Variants in TMTC3 observed in about 807,000 individuals in gnomAD.
The protein encoded by TMTC3 is protein O-mannosyl-transferase TMTC3.
Under a neutral mutation model 92.2 loss-of-function variants are expected in TMTC3, and 52 were observed. The ratio of observed to expected loss-of-function variants is 0.56; its 90% confidence interval spans 0.45 to 0.71. The LOEUF (loss-of-function observed/expected upper bound fraction) is 0.71. TMTC3 is among the 30% of genes least tolerant of loss of function. TMTC3 has a pLI of 0.00. For synonymous variants in TMTC3, 339 were observed against 363.3 expected (o/e 0.93, Z 0.76); for missense variants, 896 against 1,057.1 (o/e 0.85, Z 2.11).
chr12:88,189,566 A>T (rs1041455040), intron 11 of TMTC3, among the ~76,000 whole-genome samples: 6 of 152,162 alleles, frequency 3.9e-5, no homozygotes, highest in Admixed American at 3.9e-4. Flanking sequence ...CCTATCAAAA[A>T]ATAAAGTGAT....
At chr12:88,152,021 T>G (rs1240599990) in intron 2 of TMTC3, among the ~76,000 whole-genome samples, 17 of 152,236 alleles carry the variant, frequency 1.1e-4, no homozygotes, top group Admixed American at 9.2e-4. Context: ...ATGAACAGGC[T>G]TAAGTCTACT....
rs140767961 is a variant in TMTC3, at chr12:88,143,238, A to C, written c.-29+751A>C. On this transcript the variant is annotated intron_variant, in intron 1 of 13. Transcript: ENST00000266712. ...ATTTTCCTTTCGAAAATAAGTAATG[A>C]GTTTCTTTTTAAACCCCCAATTTGG... Among the ~76,000 whole-genome samples the C allele has an allele frequency of 6.7e-3, 1,013 of 152,038 alleles. 63 individuals are homozygous for C. The highest frequency in any genetic ancestry group is 0.062 in the Admixed American group (952 of 15,274).
chr12:88,183,336 C>T (rs2041339446), intron 10 of TMTC3, among the ~76,000 whole-genome samples: 1 of 152,128 alleles, frequency 6.6e-6, no homozygotes, highest in African/African-American at 2.4e-5. Flanking sequence ...TTCCTTATCT[C>T]TTTATAAGTG....
chr12:88,148,745 T>A (rs925395164), intron 2 of TMTC3, among the ~76,000 whole-genome samples: 5 of 152,086 alleles, frequency 3.3e-5, no homozygotes, highest in Non-Finnish European at 7.4e-5. Context: ...TTTTTTTTTT[T>A]TAACTTTTAT....
At chr12:88,147,030 A>G (rs2040884311) in intron 1 of TMTC3, among the ~76,000 whole-genome samples, 1 of 150,282 alleles carries the variant, frequency 6.7e-6, no homozygotes, top group South Asian at 2.1e-4. Flanking sequence ...AATCAGATGC[A>G]TAATTTAATA....
chr12:88,196,313 C>CATT lies in TMTC3; in HGVS notation c.*665_*667dup, dbSNP rs1190003912. ...TGACACATGTATAGCTACATACACA[C>CATT]ATTTTTAATGGTGCTCATATATACT... is the stretch of plus-strand genomic sequence containing the variant. On this transcript the variant is annotated 3_prime_UTR_variant, in exon 14 of 14. Transcript: ENST00000266712. 6.6e-6 allele frequency: 1 copy of CATT among 152,358 alleles called. No individual in the cohort carries two copies. The highest frequency in any genetic ancestry group is 1.5e-5 in the Non-Finnish European group (1 of 67,876). 9.4% of individuals were successfully genotyped at this position (152,358 alleles called of 1,614,324 possible).
Position 88,192,826 on chromosome 12 carries a change from A to G in TMTC3, c.1929A>G (p.Glu643=). The change falls in exon 13 of 14, where the codon GAA becomes GAG. Residue 643 remains glutamate, a synonymous_variant. Coordinates refer to ENST00000266712, the MANE Select transcript of TMTC3 (RefSeq NM_181783.4). ...ALFNSAIVMQ[E]SGEVKLRPEA... is the part of the protein sequence containing the mutation. ...TCAACTCTGCTATAGTAATGCAAGA[A>G]TCAGGTATGTTTTCTCAAAATATTT... The G allele has an allele frequency of 6.2e-7, 1 of 1,604,374 alleles. No individual in the cohort carries two copies. The highest frequency in any genetic ancestry group is 8.5e-7 in the Non-Finnish European group (1 of 1,175,188).
rs1020455097 is a variant in TMTC3 at position 88,161,982 on chromosome 12, A to G, written c.797+1131A>G. Among the ~76,000 whole-genome samples, 3 of 152,142 alleles carry G rather than the reference A, an allele frequency of 2.0e-5. No individual in the cohort carries two copies. In the East Asian group the frequency reaches 5.8e-4, roughly 29 times the overall value. The stretch of plus-strand genomic sequence containing the variant: ...TATTTTACATTAACCATGAGTCACC[A>G]TTTCCAGTGTTCTTTATTCCTTTGT... On this transcript the variant is annotated intron_variant, in intron 6 of 13. Transcript: ENST00000266712.
intron 12 of TMTC3, 44 bp from the exon 13 acceptor site, chr12:88,192,560 G>A (rs781011929): frequency 5.0e-5 from 72 of 1,453,898 alleles, no homozygotes; most frequent in Non-Finnish European, 6.0e-5. Flanking sequence ...TACAAACTGA[G>A]ATGGTAATGT....
chr12:88,195,816 GGATGTATATTATGT>G lies in TMTC3; in HGVS notation c.*168_*181del. ...TTCATTAAAGACCTGTATTATCCCA[GGATGTATATTATGT>G]ATCGCTGTTTTCAGAGTGTGGGTGA... On this transcript the variant is annotated 3_prime_UTR_variant, in exon 14 of 14. Transcript: ENST00000266712. 1.3e-5 allele frequency: 7 copies of G among 538,128 alleles called. No homozygotes were observed. The highest frequency in any genetic ancestry group is 2.2e-5 in the Non-Finnish European group (7 of 311,732). 33.3% of individuals were successfully genotyped at this position (538,128 alleles called of 1,614,324 possible).
chr12:88,142,968 G>C (rs2040775276), intron 1 of TMTC3, among the ~76,000 whole-genome samples: 1 of 152,040 alleles, frequency 6.6e-6, no homozygotes, highest in South Asian at 2.1e-4. Context: ...CCACTTGCTT[G>C]GTTACCTAGG....
At chr12:88,144,042 T>C (rs2040837941) in intron 1 of TMTC3, among the ~76,000 whole-genome samples, 2 of 152,246 alleles carry the variant, frequency 1.3e-5, no homozygotes, top group African/African-American at 4.8e-5. Context: ...TAGTGTATAA[T>C]GAGCAGTGAG....
At chr12:88,190,978 A>G (rs2041435816) in intron 12 of TMTC3, among the ~76,000 whole-genome samples, 1 of 152,164 alleles carries the variant, frequency 6.6e-6, no homozygotes, top group Admixed American at 6.5e-5. Context: ...TCAAACTCTC[A>G]GGAACTTTCT....
chr12:88,182,580 C>T (rs761060408), intron 10 of TMTC3, among the ~76,000 whole-genome samples: 1 of 152,102 alleles, frequency 6.6e-6, no homozygotes, highest in Admixed American at 6.6e-5. Flanking sequence ...AAGGAGAAGA[C>T]AATTGTACTT....
intron 2 of TMTC3, among the ~76,000 whole-genome samples, chr12:88,152,146 A>G (rs532185662): frequency 6.6e-6 from 1 of 152,214 alleles, no homozygotes; most frequent in African/African-American, 2.4e-5. Flanking sequence ...CTGGTAATTT[A>G]TAAGGAAAAT....
At position 88,148,605 on chromosome 12, in the gene TMTC3, T is replaced by G. The variant is rs112853580; in HGVS notation, c.189+101T>G. 22 of 864,852 alleles carry G rather than the reference T, an allele frequency of 2.5e-5. 1 individual carries two copies. Among genetic ancestry groups the G allele is most frequent in the African/African-American group, 1.2e-4 (7 of 58,122 alleles). The allele number at this position is 864,852 out of a possible 1,614,324, so 53.6% of individuals were successfully genotyped here. A position where few individuals can be genotyped will look rare whatever the true frequency, so the allele number is the denominator to read the frequency against. On this transcript the variant is annotated intron_variant, in intron 2 of 13. Coordinates refer to ENST00000266712, the MANE Select transcript of TMTC3 (RefSeq NM_181783.4). ...TTTATCAACATTATCATCACAACAG[T>G]TACAGATTTTTAACCCTAAAATGTT...
chr12:88,142,955 T>C (rs1320547988), intron 1 of TMTC3, among the ~76,000 whole-genome samples: 2 of 152,138 alleles, frequency 1.3e-5, no homozygotes, highest in Non-Finnish European at 2.9e-5. Context: ...TGTACTATTG[T>C]TGCCACTTGC....
At chr12:88,191,057 A>G (rs564660031) in intron 12 of TMTC3, among the ~76,000 whole-genome samples, 2 of 152,196 alleles carry the variant, frequency 1.3e-5, no homozygotes, top group Admixed American at 6.5e-5. Flanking sequence ...CAGCAAAAAA[A>G]AAAGTTTTCT....
At position 88,199,007 on chromosome 12, in the gene TMTC3, T is replaced by TAAATTGGTACTTCTTA. The variant is rs1346227093; in HGVS notation, c.*3362_*3377dup. On this transcript the variant is annotated 3_prime_UTR_variant, in exon 14 of 14. Coordinates refer to ENST00000266712, the MANE Select transcript of TMTC3 (RefSeq NM_181783.4). ...TACCATATTTCTAAGTATTCATTAT[T>TAAATTGGTACTTCTTA]AAATTGGTACTTCTTAAAACCATAA... 2 of 152,112 alleles carry TAAATTGGTACTTCTTA rather than the reference T, an allele frequency of 1.3e-5. No homozygotes were observed. Among genetic ancestry groups the TAAATTGGTACTTCTTA allele is most frequent in the African/African-American group, 2.4e-5 (1 of 41,446 alleles). 9.4% of individuals were successfully genotyped at this position (152,112 alleles called of 1,614,324 possible).
Sources: allele counts gnomAD v4.1 joint callset (sites outside exome capture counted in the v4.1 genomes callset), GRCh38; gene constraint gnomAD v4.1.1; transcripts MANE v1.5; gene names NCBI Gene and HGNC (gene_info 2026-07-23, HGNC 2026-07-21).